PKIB: variants seen among roughly 807,000 people sequenced by gnomAD.
PKIB encodes the protein cAMP-dependent protein kinase inhibitor beta, also known as PKI-beta.
PKIB carries 2 observed loss-of-function variants against 4.5 expected under a neutral mutation model. The ratio of observed to expected loss-of-function variants is 0.44; its 90% CI spans 0.18 to 1.39. The LOEUF (loss-of-function observed/expected upper bound fraction) is 1.39. PKIB is among the 40% of genes most tolerant of loss of function. The pLI is 0.27. For missense variants in PKIB, 94 were observed against 92.6 expected, an observed-to-expected ratio of 1.02 and a Z score of -0.06; for synonymous variants, 38 against 36.0, an observed-to-expected ratio of 1.06 and a Z score of -0.20.
exon 1 of PKIB, chr6:122,471,946 G>A (rs1775316169): frequency 3.5e-6 from 4 of 1,148,498 alleles, no homozygotes; most frequent in East Asian, 2.8e-5. Flanking sequence ...TAGACGACAC[G>A]GCTGTCTTCT....
intron 2 of PKIB, chr6:122,481,017 C>CA (rs1775596638): frequency 6.6e-6 from 1 of 152,016 alleles, no homozygotes; most frequent in Admixed American, 6.5e-5. Context: ...CTCCTTGCAT[C>CA]AAATCAAGCC....
At chr6:122,565,971 T>C (rs1773178525) in intron 2 of PKIB, among the ~76,000 whole-genome samples, 1 of 152,204 alleles carries the variant, frequency 6.6e-6, no homozygotes, top group South Asian at 2.1e-4. Context: ...GCAACATCTT[T>C]TATGAGCTGA....
chr6:122,689,032 C>T (rs1413954538), intron 3 of PKIB, among the ~76,000 whole-genome samples: 4 of 152,034 alleles, frequency 2.6e-5, no homozygotes, highest in African/African-American at 9.7e-5. Flanking sequence ...CCGCCCACCT[C>T]GGCCTCCCAA....
chr6:122,550,340 C>A (rs996821371), intron 2 of PKIB, among the ~76,000 whole-genome samples: 14 of 152,096 alleles, frequency 9.2e-5, no homozygotes, highest in African/African-American at 3.4e-4. Flanking sequence ...CTATTTCCTA[C>A]AATAGAGTTA....
intron 2 of PKIB, among the ~76,000 whole-genome samples, chr6:122,540,425 C>G (rs912066454): frequency 1.3e-5 from 2 of 151,976 alleles, no homozygotes; most frequent in African/African-American, 4.8e-5. Context: ...TTTCTGCCTT[C>G]ATTTCATTAG....
intron 3 of PKIB, among the ~76,000 whole-genome samples, chr6:122,687,953 T>G (rs938868014): frequency 1.3e-5 from 2 of 152,102 alleles, no homozygotes; most frequent in Non-Finnish European, 2.9e-5. Flanking sequence ...TTTTTAAATT[T>G]TATTTAATGG....
At chr6:122,501,780 C>T (rs993822390) in intron 2 of PKIB, among the ~76,000 whole-genome samples, 4 of 152,202 alleles carry the variant, frequency 2.6e-5, no homozygotes, top group African/African-American at 9.6e-5. Flanking sequence ...AGCTCTTCTG[C>T]AGCCTTGAAT....
chr6:122,499,363 C>T (rs1385405457), intron 2 of PKIB, among the ~76,000 whole-genome samples: 2 of 152,110 alleles, frequency 1.3e-5, no homozygotes, highest in Non-Finnish European at 2.9e-5. Context: ...TTATTCACCA[C>T]ATCAAGTAGG....
chr6:122,486,981 A>C (rs1179287051), intron 2 of PKIB, among the ~76,000 whole-genome samples: 1 of 152,128 alleles, frequency 6.6e-6, no homozygotes, highest in Non-Finnish European at 1.5e-5. Flanking sequence ...ATTAAAAATA[A>C]GTTGTAGACA....
At position 122,567,955 on chromosome 6, in the gene PKIB, C is replaced by G. The variant is rs182408599; in HGVS notation, c.-247-17966C>G. Among the ~76,000 whole-genome samples, 103 of 152,190 alleles carry G rather than the reference C, an allele frequency of 6.8e-4. 2 individuals are homozygous for G. The highest frequency in any genetic ancestry group is 3.4e-3 in the Admixed American group (52 of 15,292). On this transcript the variant is annotated intron_variant, in intron 2 of 6. Coordinates refer to the PKIB transcript ENST00000392491. ...AAAGTTGCATTACAGTTCTGTATAG[C>G]TATATCACTCTATGTCCTTTTTTTG...
In PKIB at chr6:122,626,689, G is replaced by T. The variant is rs571508900; in HGVS notation, c.-160-6594G>T. Among the ~76,000 whole-genome samples the T allele has an allele frequency of 5.9e-5, 9 of 152,270 alleles. No individual in the cohort carries two copies. The South Asian group carries it at 1.9e-3, about 32-fold the overall frequency. On this transcript the variant is annotated intron_variant, in intron 1 of 4. Transcript: ENST00000368452. ...TTGTGTTAATCTTTTGCTATTTATT[G>T]CTAGCCCTATGTGGCCAAGGGATCC...
At chr6:122,497,989 A>T (rs1003975526) in intron 2 of PKIB, among the ~76,000 whole-genome samples, 71 of 152,222 alleles carry the variant, frequency 4.7e-4, no homozygotes, top group Non-Finnish European at 9.1e-4. Context: ...TAATAAATTT[A>T]AAAAATCAAA....
intron 1 of PKIB, among the ~76,000 whole-genome samples, chr6:122,629,211 G>A (rs1322885315): frequency 6.6e-6 from 1 of 152,158 alleles, no homozygotes; most frequent in Non-Finnish European, 1.5e-5. Flanking sequence ...CCCAGATAGA[G>A]CTATATGCTA....
intron 3 of PKIB, among the ~76,000 whole-genome samples, chr6:122,586,299 G>T (rs1306151257): frequency 6.6e-6 from 1 of 152,080 alleles, no homozygotes; most frequent in Non-Finnish European, 1.5e-5. Context: ...CATTATTTGT[G>T]TTGTGATTGT....
chr6:122,559,546 A>G (rs1772956436), intron 2 of PKIB, among the ~76,000 whole-genome samples: 1 of 149,220 alleles, frequency 6.7e-6, no homozygotes, highest in East Asian at 2.0e-4. Flanking sequence ...TTCCCTATGA[A>G]TTTTAGAATT....
At chr6:122,475,115 C>T (rs1441328368) in intron 1 of PKIB, among the ~76,000 whole-genome samples, 1 of 152,096 alleles carries the variant, frequency 6.6e-6, no homozygotes, top group Non-Finnish European at 1.5e-5. Context: ...CTCACTGCAA[C>T]CTCCACCTCC....
chr6:122,507,141 G>A (rs1233046561), intron 2 of PKIB, among the ~76,000 whole-genome samples: 1 of 152,074 alleles, frequency 6.6e-6, no homozygotes, highest in Admixed American at 6.5e-5. Flanking sequence ...AAATGATAGA[G>A]TACTGGTTTT....
intron 2 of PKIB, among the ~76,000 whole-genome samples, chr6:122,534,956 A>T (rs1350593038): frequency 1.3e-5 from 2 of 152,162 alleles, no homozygotes; most frequent in Non-Finnish European, 2.9e-5. Flanking sequence ...CCTTCAACAC[A>T]CATGTATTAC....
Position 122,726,258 on chromosome 6 carries a change from T to C in PKIB, c.*1063T>C, listed in dbSNP as rs1181662135. ...TTTAAAAATGTCAGTAATTAATTTA[T>C]TTTCATTTTCAGAAATATATGCATG... On this transcript the variant is annotated 3_prime_UTR_variant, in exon 5 of 5. Transcript: ENST00000368452. 1 of 152,164 alleles carries C rather than the reference T, an allele frequency of 6.6e-6. No individual in the cohort carries two copies. Among genetic ancestry groups the C allele is most frequent in the African/African-American group, 2.4e-5 (1 of 41,448 alleles). The allele number at this position is 152,164 out of a possible 1,614,324, so 9.4% of individuals were successfully genotyped here.
Sources: allele counts gnomAD v4.1 joint callset (sites outside exome capture counted in the v4.1 genomes callset), GRCh38; gene constraint gnomAD v4.1.1; transcripts MANE v1.5; gene names NCBI Gene and HGNC (gene_info 2026-07-23, HGNC 2026-07-21).